Variants in RERE observed in about 807,000 individuals in gnomAD.
RERE encodes arginine-glutamic acid dipeptide repeats protein.
RERE carries 40 observed loss-of-function variants against 146.1 expected under a neutral mutation model. The observed-to-expected ratio is 0.27, with a 90% CI of 0.21 to 0.36. The LOEUF (loss-of-function observed/expected upper bound fraction) is 0.36, where lower values mean the gene tolerates loss of function less well. RERE is among the 10% of genes least tolerant of loss of function. The pLI is 1.00. For missense variants in RERE, 1,933 were observed against 2,138.7 expected (o/e 0.90, Z 1.90); for synonymous variants, 1,003 against 866.0 (o/e 1.16, Z -2.78).
chr1:8,791,260 A>G (rs1641358721), intron 1 of RERE, among the ~76,000 whole-genome samples: 1 of 152,244 alleles, frequency 6.6e-6, no homozygotes, highest in South Asian at 2.1e-4. Flanking sequence ...GCAAATGCCC[A>G]AGATAGTATA....
intron 1 of RERE, among the ~76,000 whole-genome samples, chr1:8,673,161 T>C (rs1037015776): frequency 6.6e-6 from 1 of 152,182 alleles, no homozygotes; most frequent in Non-Finnish European, 1.5e-5. Flanking sequence ...AATGGCACGA[T>C]CTCAGCTCAC....
At chr1:8,693,904 T>G (rs1292211923) in intron 1 of RERE, among the ~76,000 whole-genome samples, 1 of 151,928 alleles carries the variant, frequency 6.6e-6, no homozygotes. Flanking sequence ...TAAAAACTAG[T>G]CTACTGATTT....
chr1:8,683,807 T>C (rs1639028896), intron 1 of RERE, among the ~76,000 whole-genome samples: 2 of 151,750 alleles, frequency 1.3e-5, no homozygotes, highest in African/African-American at 2.4e-5. Context: ...CCGGGCAGGG[T>C]GGGGCATGCC....
At chr1:8,713,685 G>A (rs1170616437) in intron 1 of RERE, among the ~76,000 whole-genome samples, 1 of 152,072 alleles carries the variant, frequency 6.6e-6, no homozygotes, top group Admixed American at 6.6e-5. Flanking sequence ...AGGGAGCCGA[G>A]ATTGTACCAC....
At chr1:8,604,622 GAGGAAGGA>G (rs1178725565) in intron 4 of RERE, among the ~76,000 whole-genome samples, 610 of 46,434 alleles carry the variant, frequency 0.013, 13 homozygotes, top group African/African-American at 0.037. Context: ...GGGAGGGAGG[GAGGAAGGA>G]AGGAAGGAAG....
At chr1:8,440,030 C>T (rs552496165) in intron 11 of RERE, among the ~76,000 whole-genome samples, 6 of 152,044 alleles carry the variant, frequency 3.9e-5, no homozygotes, top group East Asian at 3.9e-4. Flanking sequence ...GCTGAGATCG[C>T]GCCATTACAC....
At chr1:8,779,829 T>G (rs1157496896) in intron 1 of RERE, among the ~76,000 whole-genome samples, 1 of 152,204 alleles carries the variant, frequency 6.6e-6, no homozygotes, top group Non-Finnish European at 1.5e-5. Flanking sequence ...TATGATACAT[T>G]ATGCATTCAT....
intron 8 of RERE, among the ~76,000 whole-genome samples, chr1:8,498,707 A>T (rs1456362174): frequency 3.7e-4 from 49 of 132,380 alleles, no homozygotes; most frequent in Middle Eastern, 7.1e-3. Flanking sequence ...AAAAAAAAAA[A>T]AATAAAAAAA....
intron 1 of RERE, among the ~76,000 whole-genome samples, chr1:8,797,690 T>C (rs1306960935): frequency 1.3e-5 from 2 of 152,226 alleles, no homozygotes; most frequent in East Asian, 1.9e-4. Context: ...CCTCTTGCAG[T>C]TGGAAATCAG....
chr1:8,790,209 G>A (rs1461925406), intron 1 of RERE, among the ~76,000 whole-genome samples: 1 of 152,050 alleles, frequency 6.6e-6, no homozygotes, highest in Non-Finnish European at 1.5e-5. Flanking sequence ...CTAGACTTAT[G>A]TGCTCCTTTG....
chr1:8,529,394 A>G (rs927571416), intron 7 of RERE, among the ~76,000 whole-genome samples: 14 of 144,640 alleles, frequency 9.7e-5, no homozygotes, highest in Non-Finnish European at 2.1e-4. Flanking sequence ...GGTTCACGCC[A>G]TTCTCCTGCC....
At chr1:8,556,422 C>A (rs370664207) in intron 6 of RERE, 53 bp downstream of exon 6, 39 of 1,032,596 alleles carry the variant, frequency 3.8e-5, no homozygotes, top group Non-Finnish European at 5.2e-5. Context: ...CTCTCCACCT[C>A]CTGCACTCAG....
intron 4 of RERE, among the ~76,000 whole-genome samples, chr1:8,597,477 C>T (rs1646568762): frequency 6.6e-6 from 1 of 152,158 alleles, no homozygotes; most frequent in Admixed American, 6.5e-5. Context: ...AAATGATAAC[C>T]CACACAATAA....
At chr1:8,539,126 G>A (rs1645765259) in intron 7 of RERE, among the ~76,000 whole-genome samples, 2 of 152,172 alleles carry the variant, frequency 1.3e-5, no homozygotes, top group South Asian at 2.1e-4. Context: ...TGTGCAACAG[G>A]AAAACTATCA....
chr1:8,693,505 CT>C (rs1639253673), intron 1 of RERE, among the ~76,000 whole-genome samples: 1 of 152,120 alleles, frequency 6.6e-6, no homozygotes, highest in South Asian at 2.1e-4. Flanking sequence ...AGACTACATA[CT>C]GTATGAGTCC....
At position 8,508,691 on chromosome 1, in the gene RERE, A is replaced by G. The variant is rs1311383290; in HGVS notation, c.831-16T>C. 1 of 1,606,492 alleles carries G rather than the reference A, an allele frequency of 6.2e-7. No individual in the cohort carries two copies. Among genetic ancestry groups the G allele is most frequent in the South Asian group, 1.1e-5 (1 of 90,428 alleles). ...GTTCAGCCTCCTGGAACAGAAATAG[A>G]GCAGATTAAGTTAGCGCAATACAGT... On this transcript the variant is annotated splice_polypyrimidine_tract_variant and intron_variant, in intron 7 of 22. Transcript: ENST00000400908.
At chr1:8,546,758 G>A (rs2124402859) in intron 6 of RERE, among the ~76,000 whole-genome samples, 1 of 151,618 alleles carries the variant, frequency 6.6e-6, no homozygotes, top group South Asian at 2.1e-4. Flanking sequence ...TGAGGCAGGA[G>A]AATCGTTTGA....
At chr1:8,499,918 G>A (rs765741941) in intron 8 of RERE, among the ~76,000 whole-genome samples, 4 of 152,278 alleles carry the variant, frequency 2.6e-5, no homozygotes, top group East Asian at 1.9e-4. Context: ...TCAGGAGTTC[G>A]ACACCAGACT....
chr1:8,572,481 C>T (rs1019931033), intron 4 of RERE, among the ~76,000 whole-genome samples: 1 of 152,198 alleles, frequency 6.6e-6, no homozygotes, highest in Admixed American at 6.5e-5. Flanking sequence ...CTAGATAAAA[C>T]TTCTGGGCTA....
Sources: gnomAD v4.1 joint callset for allele counts (sites outside exome capture counted in the v4.1 genomes callset) on GRCh38, gnomAD v4.1.1 for gene constraint, MANE v1.5 for transcripts, NCBI Gene and HGNC (gene_info 2026-07-23, HGNC 2026-07-21) for gene names.